NAALADL2: variants seen among roughly 807,000 people sequenced by gnomAD.
NAALADL2 encodes the protein inactive N-acetylated-alpha-linked acidic dipeptidase-like protein 2.
NAALADL2 carries 76 observed loss-of-function variants against 87.2 expected under a neutral mutation model. The observed-to-expected ratio is 0.87, with a 90% CI of 0.72 to 1.05. NAALADL2 has a LOEUF of 1.05. NAALADL2 is among the 50% of genes least tolerant of loss of function. NAALADL2 has a pLI of 0.00. For missense variants in NAALADL2, 1,089 were observed against 945.8 expected (o/e 1.15, Z -1.99); for synonymous variants, 354 against 331.0 (o/e 1.07, Z -0.75).
At chr3:174,748,342 T>TC in intron 3 of NAALADL2, among the ~76,000 whole-genome samples, 1 of 149,572 alleles carries the variant, frequency 6.7e-6, no homozygotes, top group African/African-American at 2.5e-5. Flanking sequence ...TTTTTTTTTT[T>TC]AAAAAGAGGC....
intron 9 of NAALADL2, among the ~76,000 whole-genome samples, chr3:175,512,659 G>A (rs1731317962): frequency 6.6e-6 from 1 of 152,164 alleles, no homozygotes; most frequent in African/African-American, 2.4e-5. Flanking sequence ...GCAATGTGGT[G>A]AAAAATGTTC....
At chr3:175,645,214 A>G (rs748009074) in intron 11 of NAALADL2, among the ~76,000 whole-genome samples, 3 of 151,906 alleles carry the variant, frequency 2.0e-5, no homozygotes, top group Admixed American at 6.6e-5. Context: ...AAGAAACTAT[A>G]TTTTCTCAGT....
chr3:175,620,831 A>G (rs554131803), intron 10 of NAALADL2, among the ~76,000 whole-genome samples: 34 of 152,298 alleles, frequency 2.2e-4, no homozygotes, highest in African/African-American at 7.9e-4. Flanking sequence ...AGGTATGCGG[A>G]CACAGGATAG....
chr3:175,183,959 C>T (rs551346653), intron 2 of NAALADL2, among the ~76,000 whole-genome samples: 130 of 150,040 alleles, frequency 8.7e-4, no homozygotes, highest in African/African-American at 3.0e-3. Flanking sequence ...TGCGGCCACC[C>T]TCAAAGTGAG....
At chr3:174,800,649 G>C (rs1718715635) in intron 3 of NAALADL2, among the ~76,000 whole-genome samples, 1 of 152,142 alleles carries the variant, frequency 6.6e-6, no homozygotes, top group Non-Finnish European at 1.5e-5. Flanking sequence ...GAGGGCCACT[G>C]TCTTCCAGAC....
chr3:175,594,456 C>T (rs567100417), intron 10 of NAALADL2, among the ~76,000 whole-genome samples: 1 of 152,190 alleles, frequency 6.6e-6, no homozygotes, highest in South Asian at 2.1e-4. Flanking sequence ...ATCACAAACA[C>T]CATAGTGATG....
rs1287585510 is a variant in NAALADL2 at position 175,629,121 on chromosome 3, TTA to T, written c.1896+1746_1896+1747del. ...TAGCTGTATTTCTAATACTTGGAGA[TTA>T]TATATATATAATATATATGGACATA... On this transcript the variant is annotated intron_variant, in intron 11 of 13. Coordinates refer to ENST00000454872, the MANE Select transcript of NAALADL2 (RefSeq NM_207015.3). 3.4e-5 allele frequency among the ~76,000 whole-genome samples: 5 copies of T among 148,372 alleles called. No homozygotes were observed. In the Admixed American group the frequency reaches 3.4e-4, roughly 10 times the overall value.
chr3:175,334,357 G>A (rs924252371), intron 5 of NAALADL2, among the ~76,000 whole-genome samples: 22 of 152,058 alleles, frequency 1.4e-4, no homozygotes, highest in African/African-American at 5.3e-4. Flanking sequence ...GGTTTATTCT[G>A]CTTTTTCCCT....
At chr3:175,492,922 A>C (rs1020962529) in intron 9 of NAALADL2, among the ~76,000 whole-genome samples, 2 of 152,064 alleles carry the variant, frequency 1.3e-5, no homozygotes. Context: ...TTCACCATTA[A>C]GCGTGTTATA....
rs144469389 is a variant in NAALADL2, at chr3:175,613,940, C to G, written c.1801-13351C>G. On this transcript the variant is annotated intron_variant, in intron 10 of 13. Transcript: ENST00000454872. ...TAGGATATATCCATCTATAGATATTCTCTTTGGGGAATATCTGTAGGTAAA... is the reference window on the plus strand; with the variant it reads ...TAGGATATATCCATCTATAGATATTGTCTTTGGGGAATATCTGTAGGTAAA... Among the ~76,000 whole-genome samples, 433 of 152,280 alleles carry G rather than the reference C, an allele frequency of 2.8e-3. 1 individual carries two copies. Among genetic ancestry groups the G allele is most frequent in the African/African-American group, 0.01 (420 of 41,540 alleles).
chr3:174,801,064 G>A (rs73050167), intron 3 of NAALADL2, among the ~76,000 whole-genome samples: 13,049 of 152,230 alleles, frequency 0.086, 600 homozygotes, highest in Middle Eastern at 0.16. Flanking sequence ...TGAGACTTGG[G>A]ACTACAGAAT....
chr3:175,801,590 T>G lies in NAALADL2; in HGVS notation c.2190-1415T>G, dbSNP rs181387567. Reference sequence around the variant, plus strand: ...TTTGTAACTGGCAGCTCCCCTCATCTTTCAAGATGCAATTTAAATATTCTC... The same window carrying G: ...TTTGTAACTGGCAGCTCCCCTCATCGTTCAAGATGCAATTTAAATATTCTC... On this transcript the variant is annotated intron_variant, in intron 13 of 13. Transcript: ENST00000454872. Among the ~76,000 whole-genome samples, 47 of 152,268 alleles carry G rather than the reference T, an allele frequency of 3.1e-4. No individual in the cohort carries two copies. In the East Asian group the frequency reaches 3.5e-3, roughly 11 times the overall value.
chr3:175,110,214 G>A (rs534792580), intron 2 of NAALADL2, among the ~76,000 whole-genome samples: 3 of 151,744 alleles, frequency 2.0e-5, no homozygotes, highest in Non-Finnish European at 4.4e-5. Context: ...AGGATGATAC[G>A]TTAATCCTGG....
At chr3:175,244,347 G>A (rs568401827) in intron 3 of NAALADL2, among the ~76,000 whole-genome samples, 9 of 152,080 alleles carry the variant, frequency 5.9e-5, no homozygotes, top group African/African-American at 2.2e-4. Context: ...CTCATGTTGA[G>A]AAACAGTAGT....
intron 3 of NAALADL2, among the ~76,000 whole-genome samples, chr3:175,252,928 A>G (rs1749309762): frequency 6.6e-6 from 1 of 152,188 alleles, no homozygotes; most frequent in Admixed American, 6.5e-5. Context: ...GAAGCTGCAG[A>G]AGTTTGAAGT....
chr3:175,244,275 C>T (rs1288618696), intron 3 of NAALADL2, among the ~76,000 whole-genome samples: 1 of 152,070 alleles, frequency 6.6e-6, no homozygotes, highest in Admixed American at 6.6e-5. Flanking sequence ...TTTTTAGGGA[C>T]TTTCATGGTA....
chr3:174,963,569 A>C (rs1742437168), intron 1 of NAALADL2, among the ~76,000 whole-genome samples: 1 of 152,120 alleles, frequency 6.6e-6, no homozygotes, highest in Non-Finnish European at 1.5e-5. Context: ...TATCATCTTC[A>C]TCCCCATGTA....
rs573905377 is a variant in NAALADL2, at chr3:174,799,210, G to A, written c.-9+61464G>A. ...ATTATTTTGTGTGTTGTTTTGCTTTGTGGATGCATTGTTTTTTCTTGCCTA... is the reference window on the plus strand; with the variant it reads ...ATTATTTTGTGTGTTGTTTTGCTTTATGGATGCATTGTTTTTTCTTGCCTA... On this transcript the variant is annotated intron_variant, in intron 3 of 3. Transcript: ENST00000434257. 2.0e-5 allele frequency among the ~76,000 whole-genome samples: 3 copies of A among 151,882 alleles called. 1 individual carries two copies. In the South Asian group the frequency reaches 6.3e-4, roughly 32 times the overall value.
chr3:175,597,104 T>G (rs915837621), intron 10 of NAALADL2, among the ~76,000 whole-genome samples: 1 of 152,038 alleles, frequency 6.6e-6, no homozygotes, highest in East Asian at 1.9e-4. Context: ...CATAACTTCT[T>G]GAAGGTAACT....
Sources: gnomAD v4.1 joint callset for allele counts (sites outside exome capture counted in the v4.1 genomes callset) on GRCh38, gnomAD v4.1.1 for gene constraint, MANE v1.5 for transcripts, NCBI Gene and HGNC (gene_info 2026-07-23, HGNC 2026-07-21) for gene names.